The following RFTN2 variants were observed in gnomAD, a reference collection of about 807,000 sequenced individuals.
RFTN2 encodes raftlin-2.
A neutral mutation model predicts 52.7 loss-of-function variants in RFTN2; 34 were observed. That is an observed-to-expected ratio of 0.64 (90% CI 0.49 to 0.86). RFTN2 has a LOEUF of 0.86. Among genes scored for constraint, RFTN2 ranks in the 40% least tolerant of loss-of-function variants. The pLI is 0.00. For missense variants in RFTN2, 536 were observed against 600.1 expected (o/e 0.89, Z 1.12); for synonymous variants, 203 against 217.7 (o/e 0.93, Z 0.59).
intron 8 of RFTN2, among the ~76,000 whole-genome samples, chr2:197,580,276 C>T (rs1251961378): frequency 6.6e-6 from 1 of 152,190 alleles, no homozygotes; most frequent in Admixed American, 6.5e-5. Context: ...CAATTACTTG[C>T]CTCTGCTGTG....
At chr2:197,620,429 C>T (rs985898901) in intron 5 of RFTN2, among the ~76,000 whole-genome samples, 2 of 152,108 alleles carry the variant, frequency 1.3e-5, no homozygotes, top group South Asian at 2.1e-4. Flanking sequence ...TTGTGTAGCA[C>T]AATGTCACAT....
At chr2:197,675,249 G>T in intron 1 of RFTN2, 71 bp downstream of exon 1, 2 of 1,236,272 alleles carry the variant, frequency 1.6e-6, no homozygotes, top group Non-Finnish European at 2.2e-6. Flanking sequence ...AATTTATTAA[G>T]TCAACACTTA....
Position 197,571,476 on chromosome 2 carries a change from C to T in RFTN2, c.*532G>A, listed in dbSNP as rs2087315479. ...AAATATTTTAACACATAGGGGCTTGCTTTGTATATACATGCTATAGTTAAA... is the reference window on the plus strand; with the variant it reads ...AAATATTTTAACACATAGGGGCTTGTTTTGTATATACATGCTATAGTTAAA... On this transcript the variant is annotated 3_prime_UTR_variant, in exon 9 of 9. Coordinates refer to ENST00000295049, the MANE Select transcript of RFTN2 (RefSeq NM_144629.3). 6.5e-6 allele frequency: 1 copy of T among 153,500 alleles called. No individual in the cohort carries two copies. The highest frequency in any genetic ancestry group is 2.0e-4 in the South Asian group (1 of 4,890). The allele number at this position is 153,500 out of a possible 1,614,324, so 9.5% of individuals were successfully genotyped here.
At chr2:197,619,753 T>A (rs6729918) in intron 5 of RFTN2, among the ~76,000 whole-genome samples, 63,796 of 134,876 alleles carry the variant, frequency 0.47, 15,327 homozygotes, top group Middle Eastern at 0.63. Context: ...AAAAAAAAAA[T>A]AATAATAACA....
At chr2:197,666,570 T>C (rs1296213214) in intron 1 of RFTN2, among the ~76,000 whole-genome samples, 1 of 152,224 alleles carries the variant, frequency 6.6e-6, no homozygotes, top group Non-Finnish European at 1.5e-5. Context: ...TTTAGAATTC[T>C]CTCTTTGTAT....
At chr2:197,667,285 T>G (rs1486144707) in intron 1 of RFTN2, among the ~76,000 whole-genome samples, 3 of 152,176 alleles carry the variant, frequency 2.0e-5, no homozygotes, top group African/African-American at 7.2e-5. Context: ...GGCACCTGGC[T>G]GGGTTTATTT....
intron 3 of RFTN2, among the ~76,000 whole-genome samples, chr2:197,634,562 G>T (rs2088528146): frequency 6.6e-6 from 1 of 151,798 alleles, no homozygotes; most frequent in Non-Finnish European, 1.5e-5. Flanking sequence ...ATGTCTTTAT[G>T]GTATTGTCTC....
At position 197,568,435 on chromosome 2, in the gene RFTN2, T is replaced by C. The variant is rs1413921604; in HGVS notation, c.*3573A>G. ...CAAACACCATCTCAGAACTTAAATA[T>C]CTGACAGACCTGGTTCTGCAAACTT... On this transcript the variant is annotated 3_prime_UTR_variant, in exon 9 of 9. Transcript: ENST00000295049. The C allele has an allele frequency of 2.6e-5, 4 of 152,210 alleles. No individual in the cohort carries two copies. The highest frequency in any genetic ancestry group is 4.4e-5 in the Non-Finnish European group (3 of 68,044). 9.4% of individuals were successfully genotyped at this position (152,210 alleles called of 1,614,324 possible).
intron 8 of RFTN2, among the ~76,000 whole-genome samples, chr2:197,586,374 G>A (rs1364387299): frequency 6.6e-6 from 1 of 152,124 alleles, no homozygotes; most frequent in Non-Finnish European, 1.5e-5. Flanking sequence ...TGGATCCCTA[G>A]GAGTCTGGGT....
At chr2:197,641,297 G>C (rs200270519) in intron 3 of RFTN2, among the ~76,000 whole-genome samples, 2 of 152,186 alleles carry the variant, frequency 1.3e-5, no homozygotes, top group East Asian at 3.8e-4. Flanking sequence ...GTGGAGCTAG[G>C]ACAAGGGACT....
intron 1 of RFTN2, among the ~76,000 whole-genome samples, chr2:197,650,348 C>T (rs930417263): frequency 2.6e-5 from 4 of 152,190 alleles, no homozygotes; most frequent in South Asian, 4.1e-4. Context: ...CATTAGATAC[C>T]TCATATAAGA....
At chr2:197,633,647 TA>T (rs556119208) in intron 4 of RFTN2, 70 bp downstream of exon 4, 38 of 1,248,364 alleles carry the variant, frequency 3.0e-5, no homozygotes, top group South Asian at 5.8e-5. Flanking sequence ...CTCATATTTC[TA>T]AAAAAAACCT....
At chr2:197,619,778 TA>T (rs1175081916) in intron 5 of RFTN2, among the ~76,000 whole-genome samples, 2 of 147,608 alleles carry the variant, frequency 1.4e-5, no homozygotes, top group Non-Finnish European at 3.0e-5. Context: ...TAAAATAAAA[TA>T]AAATTAAAAA....
chr2:197,662,772 G>A (rs1013623335), intron 1 of RFTN2, among the ~76,000 whole-genome samples: 1 of 151,780 alleles, frequency 6.6e-6, no homozygotes, highest in Non-Finnish European at 1.5e-5. Context: ...CTTCCATTTC[G>A]TTCTTTAAAA....
At chr2:197,636,475 C>T (rs1466324462) in intron 3 of RFTN2, among the ~76,000 whole-genome samples, 1 of 116,106 alleles carries the variant, frequency 8.6e-6, no homozygotes, top group Non-Finnish European at 1.8e-5. Context: ...AGTTGGATTC[C>T]TAGGTATTTT....
chr2:197,622,411 T>C (rs1315053874), intron 5 of RFTN2, among the ~76,000 whole-genome samples: 3 of 152,152 alleles, frequency 2.0e-5, no homozygotes, highest in Non-Finnish European at 2.9e-5. Context: ...GCTCAAGCAA[T>C]TCTCCTGCCT....
intron 5 of RFTN2, among the ~76,000 whole-genome samples, chr2:197,619,401 G>A (rs910304528): frequency 1.3e-5 from 2 of 152,246 alleles, no homozygotes; most frequent in African/African-American, 2.4e-5. Context: ...TGTACTAAGA[G>A]AAATTCTTCT....
intron 8 of RFTN2, among the ~76,000 whole-genome samples, chr2:197,585,536 TATTCTC>T (rs1283845818): frequency 6.6e-6 from 1 of 152,158 alleles, no homozygotes; most frequent in Non-Finnish European, 1.5e-5. Flanking sequence ...TACTCACTCT[TATTCTC>T]ATTCCCATTC....
chr2:197,642,219 G>A (rs1400859081), intron 3 of RFTN2, among the ~76,000 whole-genome samples: 1 of 152,070 alleles, frequency 6.6e-6, no homozygotes. Context: ...AGTATTTAAC[G>A]CTTGGAAACA....
Sources: allele counts gnomAD v4.1 joint callset (sites outside exome capture counted in the v4.1 genomes callset), GRCh38; gene constraint gnomAD v4.1.1; transcripts MANE v1.5; gene names NCBI Gene and HGNC (gene_info 2026-07-23, HGNC 2026-07-21).